Variants in SLC22A24 observed in about 807,000 individuals in gnomAD.
The protein encoded by SLC22A24 is solute carrier family 22 member 24, also known as steroid transmembrane transporter SLC22A24.
In SLC22A24, 53 loss-of-function variants were observed where a neutral mutation model predicts 49.8. That is an observed-to-expected ratio of 1.06 (90% CI 0.85 to 1.34). SLC22A24 has a LOEUF of 1.34. Ranked by LOEUF, SLC22A24 falls within the 40% of genes most tolerant of loss-of-function variation. The probability of loss-of-function intolerance (pLI) is 0.00; values close to 1 mark genes in which losing one functional copy is unlikely to be tolerated. For missense variants in SLC22A24, 786 were observed against 675.9 expected (o/e 1.16, Z -1.81); for synonymous variants, 302 against 256.4 (o/e 1.18, Z -1.70).
chr11:63,090,238 T>G (rs1473677417), intron 6 of SLC22A24, among the ~76,000 whole-genome samples: 2 of 152,012 alleles, frequency 1.3e-5, no homozygotes, highest in East Asian at 3.9e-4. Flanking sequence ...ACAAAGAGGC[T>G]TAGACTCCCA....
At chr11:63,093,112 A>G (rs1174517284) in intron 6 of SLC22A24, among the ~76,000 whole-genome samples, 1 of 152,268 alleles carries the variant, frequency 6.6e-6, no homozygotes, top group East Asian at 1.9e-4. Flanking sequence ...TGGTCATTAG[A>G]GAAATGCAAG....
chr11:63,113,407 A>T (rs1024606377), intron 4 of SLC22A24, among the ~76,000 whole-genome samples: 8 of 151,146 alleles, frequency 5.3e-5, no homozygotes, highest in Non-Finnish European at 8.8e-5. Flanking sequence ...GTTTCTTTCC[A>T]TGTTTAGTGC....
At chr11:63,099,525 A>T (rs566873539) in intron 5 of SLC22A24, among the ~76,000 whole-genome samples, 8 of 151,734 alleles carry the variant, frequency 5.3e-5, no homozygotes, top group African/African-American at 1.9e-4. Context: ...AATCCTACTC[A>T]AACTATTCTG....
chr11:63,110,223 C>A (rs1486830779), intron 4 of SLC22A24, among the ~76,000 whole-genome samples: 1 of 151,760 alleles, frequency 6.6e-6, no homozygotes, highest in African/African-American at 2.4e-5. Context: ...GTTTTGGTAC[C>A]AGTACCATGC....
At chr11:63,133,107 G>A (rs1041200870) in intron 2 of SLC22A24, among the ~76,000 whole-genome samples, 9 of 152,178 alleles carry the variant, frequency 5.9e-5, no homozygotes, top group Non-Finnish European at 1.0e-4. Context: ...AGTGGGCATG[G>A]GACCCACCGA....
At chr11:63,104,863 C>A (rs1206893261) in intron 4 of SLC22A24, among the ~76,000 whole-genome samples, 1 of 152,158 alleles carries the variant, frequency 6.6e-6, no homozygotes, top group Non-Finnish European at 1.5e-5. Context: ...CAACAGTCCC[C>A]CAAAGTCTTA....
At chr11:63,112,189 G>C (rs2087170528) in intron 4 of SLC22A24, among the ~76,000 whole-genome samples, 1 of 152,088 alleles carries the variant, frequency 6.6e-6, no homozygotes, top group Admixed American at 6.6e-5. Flanking sequence ...CTGAGTTCTA[G>C]TTTGATTGCA....
Position 63,119,307 on chromosome 11 carries a change from ACAATTTGCATATGATCTTCCGTC to A in SLC22A24, c.512_534del (p.Gly171ValfsTer9). On this transcript the variant is annotated frameshift_variant, in exon 3 of 10. Coordinates refer to ENST00000612278, the MANE Select transcript of SLC22A24 (RefSeq NM_001136506.2). LOFTEE classifies it high-confidence loss of function. ...TTAGAGATGGCCAGCTGGAGGAAACACAATTTGCATATGATCTTCCGTCCAACCCTAAGAAATATTAAACCAGA... is the reference window on the plus strand; with the variant it reads ...TTAGAGATGGCCAGCTGGAGGAAACACAACCCTAAGAAATATTAAACCAGA... The A allele has an allele frequency of 6.5e-7, 1 of 1,549,476 alleles. No individual in the cohort carries two copies. Among genetic ancestry groups the A allele is most frequent in the Non-Finnish European group, 8.7e-7 (1 of 1,146,362 alleles).
At chr11:63,114,134 C>T (rs906239750) in intron 4 of SLC22A24, among the ~76,000 whole-genome samples, 5 of 152,212 alleles carry the variant, frequency 3.3e-5, no homozygotes, top group African/African-American at 1.2e-4. Flanking sequence ...GGGAAATTCT[C>T]CTGGATAATA....
intron 2 of SLC22A24, among the ~76,000 whole-genome samples, chr11:63,125,066 C>G (rs1433994677): frequency 6.6e-6 from 1 of 151,822 alleles, no homozygotes; most frequent in Non-Finnish European, 1.5e-5. Context: ...AACTAACCTG[C>G]ACATTGTGCA....
chr11:63,122,285 A>C (rs1225953857), intron 2 of SLC22A24, among the ~76,000 whole-genome samples: 2 of 152,172 alleles, frequency 1.3e-5, no homozygotes, highest in African/African-American at 2.4e-5. Flanking sequence ...CTTTCATAGA[A>C]ATTAAAGACC....
chr11:63,121,237 T>C (rs1046851694), intron 2 of SLC22A24, among the ~76,000 whole-genome samples: 5 of 152,154 alleles, frequency 3.3e-5, no homozygotes, highest in African/African-American at 1.2e-4. Flanking sequence ...TGGAAGGGAT[T>C]ATATGGGAAC....
chr11:63,132,987 T>C (rs550767445), intron 2 of SLC22A24, among the ~76,000 whole-genome samples: 9 of 152,272 alleles, frequency 5.9e-5, no homozygotes, highest in African/African-American at 1.9e-4. Flanking sequence ...AGCCACTTTG[T>C]TTACACTGTG....
intron 6 of SLC22A24, among the ~76,000 whole-genome samples, chr11:63,095,614 G>T (rs867549545): frequency 1.3e-5 from 2 of 152,126 alleles, no homozygotes; most frequent in Non-Finnish European, 2.9e-5. Context: ...TGTCTGGGTG[G>T]TGGTTACATA....
chr11:63,137,641 T>G (rs545111433), intron 1 of SLC22A24, among the ~76,000 whole-genome samples: 2 of 152,222 alleles, frequency 1.3e-5, no homozygotes, highest in Non-Finnish European at 2.9e-5. Flanking sequence ...GTTTTGTATG[T>G]GTATTTTGCT....
chr11:63,141,331 A>C (rs900263095), intron 1 of SLC22A24, among the ~76,000 whole-genome samples: 11 of 152,324 alleles, frequency 7.2e-5, no homozygotes, highest in African/African-American at 2.4e-4. Context: ...GCAGGAAATA[A>C]AAGGAGGAGA....
intron 1 of SLC22A24, among the ~76,000 whole-genome samples, chr11:63,138,666 A>G (rs1037941283): frequency 6.3e-5 from 9 of 142,746 alleles, no homozygotes; most frequent in South Asian, 2.3e-4. Context: ...AAAAAAAAAA[A>G]AAAGAAATTG....
chr11:63,106,890 T>C (rs193035142), intron 4 of SLC22A24, among the ~76,000 whole-genome samples: 1 of 152,316 alleles, frequency 6.6e-6, no homozygotes, highest in East Asian at 1.9e-4. Flanking sequence ...GCCTGTTCAC[T>C]CTGATGGTAG....
chr11:63,126,770 A>G (rs2087293905), intron 2 of SLC22A24, among the ~76,000 whole-genome samples: 1 of 152,124 alleles, frequency 6.6e-6, no homozygotes, highest in Non-Finnish European at 1.5e-5. Context: ...TTTTCACAGT[A>G]TTGATTCTTT....
Sources: allele counts gnomAD v4.1 joint callset (sites outside exome capture counted in the v4.1 genomes callset), GRCh38; gene constraint gnomAD v4.1.1; transcripts MANE v1.5; gene names NCBI Gene and HGNC (gene_info 2026-07-23, HGNC 2026-07-21).